Variants in ADAM12 observed in about 807,000 individuals in gnomAD.
ADAM12 encodes the protein disintegrin and metalloproteinase domain-containing protein 12.
In ADAM12, 70 loss-of-function variants were observed where a neutral mutation model predicts 106.4. The observed-to-expected ratio is 0.66, with a 90% confidence interval of 0.54 to 0.80. ADAM12 has a LOEUF of 0.80. Ranked by LOEUF, ADAM12 falls within the 30% of genes least tolerant of loss-of-function variation. The probability of loss-of-function intolerance (pLI) is 0.00; values close to 1 mark genes in which losing one functional copy is unlikely to be tolerated. For synonymous variants in ADAM12, 420 were observed against 433.5 expected (o/e 0.97, Z 0.39); for missense variants, 1,010 against 1,171.9 (o/e 0.86, Z 2.02).
intron 3 of ADAM12, among the ~76,000 whole-genome samples, chr10:126,180,311 A>T (rs1364654079): frequency 6.6e-6 from 1 of 152,078 alleles, no homozygotes; most frequent in East Asian, 1.9e-4. Flanking sequence ...AGCAAGGAAG[A>T]CCTTTCCGAG....
intron 3 of ADAM12, among the ~76,000 whole-genome samples, chr10:126,200,479 C>A (rs902808893): frequency 4.6e-5 from 7 of 152,120 alleles, no homozygotes; most frequent in African/African-American, 7.2e-5. Flanking sequence ...AAAATCAGCA[C>A]GACTCCTGTC....
chr10:126,039,580 TTCAGATGC>T, intron 18 of ADAM12, 151 bp from the exon 19 acceptor site: 1 of 919,854 alleles, frequency 1.1e-6, no homozygotes, highest in Non-Finnish European at 1.6e-6. Flanking sequence ...ACTGTCTTAC[TTCAGATGC>T]CATGTTTGAG....
At chr10:126,368,361 T>TG (rs1307553421) in intron 1 of ADAM12, among the ~76,000 whole-genome samples, 1 of 150,776 alleles carries the variant, frequency 6.6e-6, no homozygotes, top group African/African-American at 2.4e-5. Flanking sequence ...GATTTGTTTT[T>TG]TTTTTTTTTT....
At chr10:126,244,696 A>G (rs1214569307) in intron 3 of ADAM12, among the ~76,000 whole-genome samples, 1 of 152,226 alleles carries the variant, frequency 6.6e-6, no homozygotes. Context: ...GAGCTCATGC[A>G]CCATTAGTAT....
chr10:126,354,368 A>G (rs1855466677), intron 1 of ADAM12, among the ~76,000 whole-genome samples: 1 of 152,178 alleles, frequency 6.6e-6, no homozygotes, highest in African/African-American at 2.4e-5. Flanking sequence ...TCAGCTTTCA[A>G]GTAACTCATA....
At chr10:126,292,877 A>T (rs1960216391) in intron 2 of ADAM12, among the ~76,000 whole-genome samples, 1 of 152,234 alleles carries the variant, frequency 6.6e-6, no homozygotes, top group Admixed American at 6.5e-5. Context: ...AAAAATAAAA[A>T]ATCTCAAACA....
chr10:126,136,206 T>C (rs183684607), intron 4 of ADAM12, among the ~76,000 whole-genome samples: 2 of 152,300 alleles, frequency 1.3e-5, no homozygotes, highest in East Asian at 3.9e-4. Flanking sequence ...GAAGGTCTTC[T>C]AAGTCTAAGA....
rs763319398 is a variant in ADAM12, at chr10:126,066,428, C to A, written c.1413+289G>T. ...ATAGTAGAACCCCATGTGCCTCTGA[C>A]GGCACAAATGGAGCATTTAAAGTTG... On this transcript the variant is annotated intron_variant, in intron 13 of 22. Transcript: ENST00000448723. The surrounding 1 kb of genome is among the most constrained non-coding windows in gnomAD (Gnocchi z 5.1). 2.0e-5 allele frequency among the ~76,000 whole-genome samples: 3 copies of A among 152,318 alleles called. No individual in the cohort carries two copies. In the Middle Eastern group the frequency reaches 0.01, roughly 518 times the overall value.
At chr10:126,105,364 T>C (rs1246769323) in intron 8 of ADAM12, among the ~76,000 whole-genome samples, 9 of 152,180 alleles carry the variant, frequency 5.9e-5, no homozygotes, top group Admixed American at 5.9e-4. Context: ...TAGTTTATCA[T>C]TTCCTTTTGC....
chr10:126,376,387 A>G (rs1304206743), intron 1 of ADAM12, among the ~76,000 whole-genome samples: 1 of 152,224 alleles, frequency 6.6e-6, no homozygotes, highest in African/African-American at 2.4e-5. Context: ...AAACAAGAAC[A>G]GCCATGAACT....
At chr10:126,166,022 T>C (rs1367049180) in intron 3 of ADAM12, among the ~76,000 whole-genome samples, 2 of 152,352 alleles carry the variant, frequency 1.3e-5, no homozygotes, top group East Asian at 3.9e-4. Context: ...TGCCCAGCTC[T>C]TTCTCATTTA....
At chr10:126,103,506 A>C (rs1310172212) in intron 8 of ADAM12, among the ~76,000 whole-genome samples, 1 of 152,208 alleles carries the variant, frequency 6.6e-6, no homozygotes, top group South Asian at 2.1e-4. Flanking sequence ...TATTATTTCT[A>C]TTTTATAGTC....
intron 3 of ADAM12, among the ~76,000 whole-genome samples, chr10:126,278,349 GCA>G (rs1187382518): frequency 6.6e-6 from 1 of 152,044 alleles, no homozygotes; most frequent in African/African-American, 2.4e-5. Context: ...TGCTAGTAAG[GCA>G]CACAAAATGT....
intron 2 of ADAM12, among the ~76,000 whole-genome samples, chr10:126,293,988 C>T (rs1380224290): frequency 6.6e-6 from 1 of 152,212 alleles, no homozygotes; most frequent in East Asian, 1.9e-4. Flanking sequence ...CACTGGGCTT[C>T]AAGCCTCTTG....
Position 126,124,506 on chromosome 10 carries a change from G to A in ADAM12, c.417-6282C>T, listed in dbSNP as rs114056405. On this transcript the variant is annotated intron_variant, in intron 5 of 22. Transcript: ENST00000448723. The stretch of plus-strand genomic sequence containing the variant: ...CTAGACATACAAAGACCCCTTGCCC[G>A]TGGCTCCCATTTCAAATATATCTCA... Among the ~76,000 whole-genome samples the A allele has an allele frequency of 7.7e-3, 1,169 of 152,198 alleles. 19 individuals carry two copies. The highest frequency in any genetic ancestry group is 0.025 in the African/African-American group (1,054 of 41,518).
At chr10:126,212,089 T>G (rs1271671169) in intron 3 of ADAM12, among the ~76,000 whole-genome samples, 3 of 152,238 alleles carry the variant, frequency 2.0e-5, no homozygotes, top group African/African-American at 2.4e-5. Context: ...GCGTGACTGC[T>G]GCGCAGCTCA....
At chr10:126,342,776 A>G (rs1276979755) in intron 1 of ADAM12, among the ~76,000 whole-genome samples, 2 of 152,220 alleles carry the variant, frequency 1.3e-5, no homozygotes, top group Non-Finnish European at 2.9e-5. Context: ...TAATTGTTCT[A>G]AATGGATTTT....
intron 6 of ADAM12, among the ~76,000 whole-genome samples, chr10:126,115,136 C>A (rs564723395): frequency 1.9e-4 from 29 of 152,182 alleles, no homozygotes; most frequent in Non-Finnish European, 3.7e-4. Context: ...GCAAACATTT[C>A]TTTTCAGAGA....
At chr10:126,157,031 G>GGA (rs1956831315) in intron 3 of ADAM12, among the ~76,000 whole-genome samples, 3 of 151,822 alleles carry the variant, frequency 2.0e-5, no homozygotes, top group East Asian at 3.9e-4. Context: ...GTGTGTGTGT[G>GGA]TGGGGGGGTG....
Sources: gnomAD v4.1 joint callset for allele counts (sites outside exome capture counted in the v4.1 genomes callset) on GRCh38, gnomAD v4.1.1 for gene constraint, Gnocchi (gnomAD v3.1) non-coding constraint, MANE v1.5 for transcripts, NCBI Gene and HGNC (gene_info 2026-07-23, HGNC 2026-07-21) for gene names.